Variants in KYAT1 observed in about 807,000 individuals in gnomAD.
The protein encoded by KYAT1 is kynurenine aminotransferase 1.
KYAT1 carries 47 observed loss-of-function variants against 52.4 expected under a neutral mutation model. The ratio of observed to expected loss-of-function variants is 0.90; its 90% CI spans 0.71 to 1.14. KYAT1 has a LOEUF of 1.14. Ranked by LOEUF, KYAT1 falls within the 50% of genes most tolerant of loss-of-function variation. The probability of loss-of-function intolerance (pLI) is 0.00; values close to 1 mark genes in which losing one functional copy is unlikely to be tolerated. For missense variants in KYAT1, 480 were observed against 557.9 expected, an observed-to-expected ratio of 0.86 and a Z score of 1.41; for synonymous variants, 212 against 209.6, an observed-to-expected ratio of 1.01 and a Z score of -0.10.
intron 1 of KYAT1, among the ~76,000 whole-genome samples, chr9:128,869,087 G>A (rs1368186745): frequency 6.6e-6 from 1 of 152,006 alleles, no homozygotes; most frequent in Non-Finnish European, 1.5e-5. Context: ...CAATACAAAG[G>A]CCTTGGCCTC....
intron 1 of KYAT1, chr9:128,860,567 CT>C (rs760952163): frequency 4.3e-3 from 596 of 138,934 alleles, no homozygotes; most frequent in Non-Finnish European, 4.2e-3. Context: ...TTTGTTCAGC[CT>C]TTTTTTTTTT....
chr9:128,871,911 A>G (rs1315033356), intron 1 of KYAT1, among the ~76,000 whole-genome samples: 1 of 151,060 alleles, frequency 6.6e-6, no homozygotes, highest in Non-Finnish European at 1.5e-5. Flanking sequence ...GTGGATCATG[A>G]GGTCAAGAGA....
At chr9:128,839,520 G>T (rs914816776) in intron 3 of KYAT1, among the ~76,000 whole-genome samples, 3 of 152,160 alleles carry the variant, frequency 2.0e-5, no homozygotes, top group Non-Finnish European at 4.4e-5. Flanking sequence ...CTCTACTCGG[G>T]AGGCTGAGGC....
chr9:128,850,844 A>G (rs1267207638), intron 1 of KYAT1, among the ~76,000 whole-genome samples: 6 of 152,216 alleles, frequency 3.9e-5, no homozygotes. Flanking sequence ...GGCGAGACAC[A>G]TTGGCAGCAA....
intron 1 of KYAT1, among the ~76,000 whole-genome samples, chr9:128,864,978 C>T (rs1297799928): frequency 6.6e-6 from 1 of 151,540 alleles, no homozygotes; most frequent in Non-Finnish European, 1.5e-5. Flanking sequence ...GTGGCTTATG[C>T]CTGCAAGAGA....
At chr9:128,848,820 CAAAAAAA>C (rs746737161) in intron 1 of KYAT1, among the ~76,000 whole-genome samples, 3 of 57,072 alleles carry the variant, frequency 5.3e-5, no homozygotes, top group Non-Finnish European at 1.1e-4. Context: ...GACTCTGTCT[CAAAAAAA>C]AAAAAAAAAA....
rs957802060 is a variant in KYAT1 at position 128,842,406 on chromosome 9, G to A, written c.201+248C>T. On this transcript the variant is annotated intron_variant, in intron 3 of 12. Transcript: ENST00000302586. The stretch of plus-strand genomic sequence containing the variant: ...TTCATTCCCTCTTTCTTACTCGCAC[G>A]ATATCCCATCCTCCTCCATCACATC... 3.3e-5 allele frequency among the ~76,000 whole-genome samples: 5 copies of A among 152,178 alleles called. No individual in the cohort carries two copies. In the East Asian group the frequency reaches 7.7e-4, roughly 23 times the overall value.
rs146369610 is a variant in KYAT1 at position 128,867,994 on chromosome 9, C to T, written c.-7+13903G>A. On this transcript the variant is annotated intron_variant, in intron 1 of 12. Coordinates refer to ENST00000302586, the MANE Select transcript of KYAT1 (RefSeq NM_004059.5). ...TTCACCATGTTAGCCAGGATGGTCT[C>T]GATCTCCTGACCTCGTGAGCCACCC... Among the ~76,000 whole-genome samples the T allele has an allele frequency of 7.3e-3, 1,111 of 152,142 alleles. 8 individuals are homozygous for T. Among genetic ancestry groups the T allele is most frequent in the African/African-American group, 0.019 (786 of 41,494 alleles).
In KYAT1 at chr9:128,842,770, C is replaced by T. The variant is rs1832425533; in HGVS notation, c.85G>A (p.Asp29Asn). 6.2e-7 allele frequency: 1 copy of T among 1,614,004 alleles called. No homozygotes were observed. The highest frequency in any genetic ancestry group is 1.3e-5 in the African/African-American group (1 of 74,928). The change falls in exon 3 of 13, where the codon GAC (aspartate) becomes AAC (asparagine). Residue 29 changes from aspartate to asparagine, a missense_variant. Physicochemically the swap from Asp to Asn is conservative, Grantham distance 23. Transcript: ENST00000302586. ...VEFVKLASEH[D>N]VVNLGQGFPD... ...AAGCCCTGGCCCAAGTTCACGACGT[C>T]ATGCTCACTGGCCAGTTTCACAAAC...
Position 128,833,720 on chromosome 9 carries a change from C to T in KYAT1, c.1209+20G>A. 8 of 1,613,792 alleles carry T rather than the reference C, an allele frequency of 5.0e-6. No homozygotes were observed. Among genetic ancestry groups the T allele is most frequent in the Non-Finnish European group, 6.8e-6 (8 of 1,179,648 alleles). On this transcript the variant is annotated intron_variant, in intron 12 of 12. Coordinates refer to ENST00000302586, the MANE Select transcript of KYAT1 (RefSeq NM_004059.5). ...TGGGAAGCTCTGTGAGGTCTTTCCT[C>T]CCCCAGCCCTGCCCTTTACCTTCAC... is the stretch of plus-strand genomic sequence containing the variant.
intron 11 of KYAT1, chr9:128,835,038 G>A (rs1830774598): frequency 9.8e-6 from 4 of 407,872 alleles, no homozygotes. Context: ...TCGGGAGGCT[G>A]AGGCAGGAGA....
intron 1 of KYAT1, among the ~76,000 whole-genome samples, chr9:128,848,023 C>CA (rs764977823): frequency 2.6e-4 from 40 of 152,218 alleles, no homozygotes; most frequent in Non-Finnish European, 5.3e-4. Flanking sequence ...CATGGAGATG[C>CA]AATCAACAAA....
At chr9:128,868,438 A>G (rs909665118) in intron 1 of KYAT1, among the ~76,000 whole-genome samples, 10 of 152,024 alleles carry the variant, frequency 6.6e-5, no homozygotes, top group African/African-American at 2.4e-4. Flanking sequence ...CCCAGGCTGG[A>G]GAACAGTGGT....
At chr9:128,836,739 C>G (rs1831193415) in intron 7 of KYAT1, 63 bp downstream of exon 7, 1 of 1,578,716 alleles carries the variant, frequency 6.3e-7, no homozygotes, top group Non-Finnish European at 8.6e-7. Flanking sequence ...CGCTGACTCT[C>G]AGGTGGGGTC....
chr9:128,846,857 C>G, intron 1 of KYAT1: 5 of 1,534,960 alleles, frequency 3.3e-6, no homozygotes, highest in Non-Finnish European at 3.5e-6. Flanking sequence ...TCTCAGCCAC[C>G]TGCTGTGGTC....
chr9:128,837,236 A>G (rs148319712), intron 6 of KYAT1, among the ~76,000 whole-genome samples: 3,044 of 152,162 alleles, frequency 0.02, 107 homozygotes, highest in African/African-American at 0.069. Flanking sequence ...AGAGGTTGCA[A>G]TGAGCCAAGA....
At chr9:128,848,899 G>A (rs1394392003) in intron 1 of KYAT1, among the ~76,000 whole-genome samples, 9 of 151,780 alleles carry the variant, frequency 5.9e-5, no homozygotes, top group Admixed American at 1.3e-4. Flanking sequence ...AGGCCAAGGC[G>A]GGAGGATCAT....
At chr9:128,840,430 T>C (rs1831939691) in intron 3 of KYAT1, among the ~76,000 whole-genome samples, 1 of 152,170 alleles carries the variant, frequency 6.6e-6, no homozygotes, top group Non-Finnish European at 1.5e-5. Flanking sequence ...AGCTAATTTT[T>C]ATTAGAGATG....
intron 2 of KYAT1, among the ~76,000 whole-genome samples, chr9:128,845,090 G>A (rs1285663268): frequency 6.6e-6 from 1 of 152,158 alleles, no homozygotes; most frequent in African/African-American, 2.4e-5. Context: ...CTCTCCAGGT[G>A]GGTATAACTC....
Sources: gnomAD v4.1 joint callset for allele counts (sites outside exome capture counted in the v4.1 genomes callset) on GRCh38, gnomAD v4.1.1 for gene constraint, MANE v1.5 for transcripts, NCBI Gene and HGNC (gene_info 2026-07-23, HGNC 2026-07-21) for gene names.